IMPACT: variants seen among roughly 807,000 people sequenced by gnomAD.
IMPACT encodes the protein impact RWD domain protein.
IMPACT carries 35 observed loss-of-function variants against 47.5 expected under a neutral mutation model. That is an observed-to-expected ratio of 0.74 (90% CI 0.56 to 0.98). The LOEUF (loss-of-function observed/expected upper bound fraction) is 0.98. Among genes scored for constraint, IMPACT ranks in the 50% least tolerant of loss-of-function variants. The pLI, the probability that IMPACT is intolerant of heterozygous loss-of-function variation, is 0.00. For synonymous variants in IMPACT, 118 were observed against 125.6 expected (o/e 0.94, Z 0.40); for missense variants, 373 against 394.8 (o/e 0.94, Z 0.47).
At position 24,449,969 on chromosome 18, in the gene IMPACT, TA is replaced by T; in HGVS notation, c.894+17del. 1 of 1,611,700 alleles carries T rather than the reference TA, an allele frequency of 6.2e-7. No homozygotes were observed. The highest frequency in any genetic ancestry group is 1.1e-5 in the South Asian group (1 of 90,978). ...AAATTCACCTGTAAGTGGCTCTTCGTACTACATCTAGAGAATTTCTCATCAC... is the reference window on the plus strand; with the variant it reads ...AAATTCACCTGTAAGTGGCTCTTCGTCTACATCTAGAGAATTTCTCATCAC... On this transcript the variant is annotated intron_variant, in intron 10 of 10. Coordinates refer to ENST00000284202, the MANE Select transcript of IMPACT (RefSeq NM_018439.4).
At chr18:24,446,552 C>A (rs552701545) in intron 8 of IMPACT, among the ~76,000 whole-genome samples, 4 of 152,098 alleles carry the variant, frequency 2.6e-5, no homozygotes, top group African/African-American at 9.7e-5. Context: ...TAAAATAAAT[C>A]AGAACACAGG....
intron 7 of IMPACT, among the ~76,000 whole-genome samples, chr18:24,444,456 C>T (rs1011687485): frequency 6.6e-6 from 1 of 152,218 alleles, no homozygotes; most frequent in Non-Finnish European, 1.5e-5. Context: ...CTTGCCATTA[C>T]AACATCCCTG....
intron 8 of IMPACT, 54 bp from the exon 9 acceptor site, chr18:24,448,039 G>A: frequency 9.6e-7 from 1 of 1,041,222 alleles, no homozygotes; most frequent in Admixed American, 1.9e-5. Context: ...TGAGGAATAA[G>A]TTTTATTATA....
At chr18:24,442,997 A>T (rs918006762) in intron 6 of IMPACT, 52 bp from the exon 7 acceptor site, 2 of 923,756 alleles carry the variant, frequency 2.2e-6, no homozygotes, top group Admixed American at 2.3e-5. Context: ...CATTTTTTTC[A>T]GTATTTGAAT....
At chr18:24,439,120 A>G (rs1388711216) in intron 5 of IMPACT, among the ~76,000 whole-genome samples, 1 of 152,156 alleles carries the variant, frequency 6.6e-6, no homozygotes, top group African/African-American at 2.4e-5. Flanking sequence ...CCATCAGCTG[A>G]TTGGATGAGG....
intron 6 of IMPACT, 100 bp from the exon 7 acceptor site, chr18:24,442,949 A>G: frequency 3.4e-6 from 2 of 596,904 alleles, no homozygotes; most frequent in Admixed American, 2.8e-5. Flanking sequence ...TTGATTTGCC[A>G]TGTAATTTAC....
At chr18:24,428,165 A>G in intron 2 of IMPACT, 118 bp downstream of exon 2, 2 of 972,142 alleles carry the variant, frequency 2.1e-6, no homozygotes, top group Non-Finnish European at 3.0e-6. Context: ...GGCTTTTCTC[A>G]ATGATTAAAC....
At position 24,440,543 on chromosome 18, in the gene IMPACT, G is replaced by A. The variant is rs764166835; in HGVS notation, c.415G>A (p.Asp139Asn). 7.9e-5 allele frequency: 128 copies of A among 1,612,790 alleles called. No homozygotes were observed. The Admixed American group carries it at 1.9e-3, about 24-fold the overall frequency. Reference sequence around the variant, plus strand: ...TGAAGAGGAAGATGTTGAATGTGAAGATGATCTCATTTTAGCATGTCAGCC... The same window carrying A: ...TGAAGAGGAAGATGTTGAATGTGAAAATGATCTCATTTTAGCATGTCAGCC... ...KTEEEDVECEDDLILACQPES... is the reference protein window; with the variant it reads ...KTEEEDVECENDLILACQPES... The change falls in exon 6 of 11, where the codon GAT becomes AAT. Residue 139 changes from aspartate to asparagine, a missense_variant. Physicochemically the swap from Asp to Asn is conservative, Grantham distance 23. Coordinates refer to ENST00000284202, the MANE Select transcript of IMPACT (RefSeq NM_018439.4).
rs182023448 is a variant in IMPACT at position 24,438,763 on chromosome 18, A to G, written c.367+723A>G. Reference sequence around the variant, plus strand: ...ATTACAGGTGTGAGTCACTGTGCCTATTGTATCATATGCCTTATTATTGGT... The same window carrying G: ...ATTACAGGTGTGAGTCACTGTGCCTGTTGTATCATATGCCTTATTATTGGT... On this transcript the variant is annotated intron_variant, in intron 5 of 10. Coordinates refer to ENST00000284202, the MANE Select transcript of IMPACT (RefSeq NM_018439.4). Among the ~76,000 whole-genome samples, 4 of 152,026 alleles carry G rather than the reference A, an allele frequency of 2.6e-5. 1 individual carries two copies. The highest frequency in any genetic ancestry group is 1.3e-4 in the Admixed American group (2 of 15,276).
chr18:24,427,098 G>A (rs1908629746), intron 1 of IMPACT: 1 of 342,834 alleles, frequency 2.9e-6, no homozygotes, highest in Non-Finnish European at 5.2e-6. Flanking sequence ...CCACCCTGCC[G>A]CCGCCGAGTC....
At chr18:24,446,210 C>A (rs556671378) in intron 8 of IMPACT, among the ~76,000 whole-genome samples, 6 of 152,006 alleles carry the variant, frequency 3.9e-5, no homozygotes, top group African/African-American at 1.4e-4. Flanking sequence ...ACTGTAGGTG[C>A]GAGCCACCAT....
At chr18:24,428,789 TCCAG>T in intron 2 of IMPACT, 76 bp from the exon 3 acceptor site, 2 of 1,094,486 alleles carry the variant, frequency 1.8e-6, no homozygotes, top group Admixed American at 2.3e-5. Flanking sequence ...GCCTTTTTTG[TCCAG>T]TTGCTAGCTT....
chr18:24,432,646 T>C (rs1301387733), intron 4 of IMPACT, among the ~76,000 whole-genome samples: 1 of 152,170 alleles, frequency 6.6e-6, no homozygotes, highest in African/African-American at 2.4e-5. Context: ...CCAACTTTTG[T>C]GCCCCCAACA....
chr18:24,433,565 A>G (rs1020027943), intron 4 of IMPACT, among the ~76,000 whole-genome samples: 2 of 150,714 alleles, frequency 1.3e-5, no homozygotes, highest in Non-Finnish European at 3.0e-5. Context: ...CCTGTGCTCA[A>G]GCCTCAAGTG....
rs1470314815 is a variant in IMPACT at position 24,451,710 on chromosome 18, G to T, written c.*863G>T. ...TTAGGCTGTGGCAAATGGGACATTC[G>T]TAGAGTGGGATAGAGGTGGCAGAAT... On this transcript the variant is annotated 3_prime_UTR_variant, in exon 11 of 11. Transcript: ENST00000284202. 1.3e-5 allele frequency: 2 copies of T among 152,146 alleles called. No homozygotes were observed. Among genetic ancestry groups the T allele is most frequent in the Non-Finnish European group, 2.9e-5 (2 of 68,010 alleles). The allele number at this position is 152,146 out of a possible 1,614,324, so 9.4% of individuals were successfully genotyped here.
chr18:24,436,219 T>G (rs942696674), intron 4 of IMPACT, among the ~76,000 whole-genome samples: 8 of 152,182 alleles, frequency 5.3e-5, no homozygotes, highest in African/African-American at 1.7e-4. Context: ...AACTAGCAGC[T>G]ATCATTTTTT....
chr18:24,449,697 A>G (rs537599340), intron 9 of IMPACT, 122 bp from the exon 10 acceptor site: 11 of 824,150 alleles, frequency 1.3e-5, no homozygotes, highest in South Asian at 8.5e-5. Context: ...TGGCTCTACC[A>G]TTAAAGTCAC....
Position 24,452,283 on chromosome 18 carries a change from G to C in IMPACT, c.*1436G>C, listed in dbSNP as rs930771540. ...GAAATATAAATTCTAAATTATATTT[G>C]TTATAACTATATTTTATGTTGTATG... On this transcript the variant is annotated 3_prime_UTR_variant, in exon 11 of 11. Coordinates refer to ENST00000284202, the MANE Select transcript of IMPACT (RefSeq NM_018439.4). The C allele has an allele frequency of 6.6e-6, 1 of 152,044 alleles. No homozygotes were observed. Among genetic ancestry groups the C allele is most frequent in the East Asian group, 1.9e-4 (1 of 5,186 alleles). 9.4% of individuals were successfully genotyped at this position (152,044 alleles called of 1,614,324 possible). A position where few individuals can be genotyped will look rare whatever the true frequency, so the allele number is the denominator to read the frequency against.
Position 24,443,113 on chromosome 18 carries a change from T to C in IMPACT, c.555T>C (p.Thr185=), listed in dbSNP as rs373583739. The C allele has an allele frequency of 1.3e-5, 21 of 1,607,876 alleles. No individual in the cohort carries two copies. The African/African-American group carries it at 2.8e-4, about 21-fold the overall frequency. Residue 185 remains threonine (T), a synonymous_variant, in exon 7 of 11, where the codon ACT becomes ACC. Transcript: ENST00000284202. ...HGIPITDRRS[T]FQAHLAPVVC... ...TTCCTATTACAGACCGAAGAAGTACTTTTCAGGCACACTTGGCTCCAGTGG... is the reference window on the plus strand; with the variant it reads ...TTCCTATTACAGACCGAAGAAGTACCTTTCAGGCACACTTGGCTCCAGTGG...
Sources: allele counts gnomAD v4.1 joint callset (sites outside exome capture counted in the v4.1 genomes callset), GRCh38; gene constraint gnomAD v4.1.1; transcripts MANE v1.5; gene names NCBI Gene and HGNC (gene_info 2026-07-23, HGNC 2026-07-21).